Variants in KIRREL3 observed in about 807,000 individuals in gnomAD.
KIRREL3 encodes the protein kin of IRRE-like protein 3.
KIRREL3 carries 36 observed loss-of-function variants against 89.7 expected under a neutral mutation model. The ratio of observed to expected loss-of-function variants is 0.40; its 90% CI spans 0.31 to 0.53. The LOEUF (loss-of-function observed/expected upper bound fraction) is 0.53, where lower values mean the gene tolerates loss of function less well. KIRREL3 is among the 20% of genes least tolerant of loss of function. The pLI, the probability that KIRREL3 is intolerant of heterozygous loss-of-function variation, is 0.49. For synonymous variants in KIRREL3, 445 were observed against 441.4 expected (o/e 1.01, Z -0.10); for missense variants, 864 against 1,056.6 (o/e 0.82, Z 2.53).
intron 5 of KIRREL3, among the ~76,000 whole-genome samples, chr11:126,464,364 A>G (rs1159456864): frequency 1.5e-5 from 2 of 134,882 alleles, no homozygotes; most frequent in Non-Finnish European, 3.2e-5. Flanking sequence ...AAAAAAAAAG[A>G]AAAAAATTAA....
Position 126,780,542 on chromosome 11 carries a change from T to C in KIRREL3, c.56-217630A>G, listed in dbSNP as rs982395639. On this transcript the variant is annotated intron_variant, in intron 1 of 16. Coordinates refer to ENST00000525144, the MANE Select transcript of KIRREL3 (RefSeq NM_032531.4). The surrounding 1 kb of genome is among the most constrained non-coding windows in gnomAD (Gnocchi z 5.3). Reference sequence around the variant, plus strand: ...AAATGAATTTGGGGGCTGAGATTTCTCATCAGTATATATCTTCCCCGAGCA... The same window carrying C: ...AAATGAATTTGGGGGCTGAGATTTCCCATCAGTATATATCTTCCCCGAGCA... Among the ~76,000 whole-genome samples, 1 of 152,232 alleles carries C rather than the reference T, an allele frequency of 6.6e-6. No homozygotes were observed. Among genetic ancestry groups the C allele is most frequent in the African/African-American group, 2.4e-5 (1 of 41,454 alleles).
At position 126,948,227 on chromosome 11, in the gene KIRREL3, C is replaced by T. The variant is rs1591369366; in HGVS notation, c.55+52228G>A. ...CTTTCTCCTTTGATTTAATAAGAAACCAATTCTATATTATTGAAATTGTAC... is the reference window on the plus strand; with the variant it reads ...CTTTCTCCTTTGATTTAATAAGAAATCAATTCTATATTATTGAAATTGTAC... On this transcript the variant is annotated intron_variant, in intron 1 of 16. Coordinates refer to ENST00000525144, the MANE Select transcript of KIRREL3 (RefSeq NM_032531.4). This position sits in a 1 kb window ranked among gnomAD's most constrained non-coding sequence, Gnocchi z 4.5. Among the ~76,000 whole-genome samples the T allele has an allele frequency of 6.6e-6, 1 of 151,960 alleles. No homozygotes were observed. Among genetic ancestry groups the T allele is most frequent in the Non-Finnish European group, 1.5e-5 (1 of 68,008 alleles).
rs1174925271 is a variant in KIRREL3, at chr11:126,587,045, G to C, written c.56-24133C>G. ...CCAGAGAGAGTCCCTGCCTCAGGGA[G>C]CTGGGAGTCAGTGGGAGAGATGAAT... On this transcript the variant is annotated intron_variant, in intron 1 of 16. Coordinates refer to ENST00000525144, the MANE Select transcript of KIRREL3 (RefSeq NM_032531.4). The surrounding 1 kb of genome is among the most constrained non-coding windows in gnomAD (Gnocchi z 5.2). Among the ~76,000 whole-genome samples, 1 of 152,212 alleles carries C rather than the reference G, an allele frequency of 6.6e-6. No individual in the cohort carries two copies. Among genetic ancestry groups the C allele is most frequent in the Non-Finnish European group, 1.5e-5 (1 of 68,042 alleles).
rs1209204544 is a variant in KIRREL3 at position 126,652,326 on chromosome 11, T to G, written c.56-89414A>C. ...GTTGATGGATATAAACCATCTTCTT[T>G]ACTTAGGGCACAAAGAAGAACCAAG... On this transcript the variant is annotated intron_variant, in intron 1 of 16. Transcript: ENST00000525144. The surrounding 1 kb of genome is among the most constrained non-coding windows in gnomAD (Gnocchi z 4.9). Among the ~76,000 whole-genome samples the G allele has an allele frequency of 6.6e-6, 1 of 152,096 alleles. No individual in the cohort carries two copies. The highest frequency in any genetic ancestry group is 1.5e-5 in the Non-Finnish European group (1 of 68,028).
rs1340429377 is a variant in KIRREL3, at chr11:126,628,166, C to A, written c.56-65254G>T. ...GACTGGTCCCTCTGAACACACTTCG[C>A]CCACCCCTCCAAGGCTTCTGGCCTG... On this transcript the variant is annotated intron_variant, in intron 1 of 16. Coordinates refer to ENST00000525144, the MANE Select transcript of KIRREL3 (RefSeq NM_032531.4). This position sits in a 1 kb window ranked among gnomAD's most constrained non-coding sequence, Gnocchi z 5.2. Among the ~76,000 whole-genome samples, 1 of 152,190 alleles carries A rather than the reference C, an allele frequency of 6.6e-6. No homozygotes were observed. Among genetic ancestry groups the A allele is most frequent in the African/African-American group, 2.4e-5 (1 of 41,428 alleles).
rs1206561425 is a variant in KIRREL3, at chr11:126,709,818, G to C, written c.56-146906C>G. 3.9e-5 allele frequency among the ~76,000 whole-genome samples: 6 copies of C among 152,158 alleles called. No individual in the cohort carries two copies. Among genetic ancestry groups the C allele is most frequent in the African/African-American group, 1.4e-4 (6 of 41,426 alleles). On this transcript the variant is annotated intron_variant, in intron 1 of 16. Transcript: ENST00000525144. This position sits in a 1 kb window ranked among gnomAD's most constrained non-coding sequence, Gnocchi z 4.0. ...CGTGGTATTTTGTTACAGCAGCCCA[G>C]GGAAACTAATACAGGAGGCCGGGCA...
Position 126,555,609 on chromosome 11 carries a change from CA to C in KIRREL3, c.133+7225del, listed in dbSNP as rs1421899714. On this transcript the variant is annotated intron_variant, in intron 2 of 16. Coordinates refer to ENST00000525144, the MANE Select transcript of KIRREL3 (RefSeq NM_032531.4). The surrounding 1 kb of genome is among the most constrained non-coding windows in gnomAD (Gnocchi z 4.2). Reference sequence around the variant, plus strand: ...AGCAGGGTAGACACAGGCCCTATGACAGGGGCCCTGCTTGAGGAGCAGCAGG... The same window carrying C: ...AGCAGGGTAGACACAGGCCCTATGACGGGGCCCTGCTTGAGGAGCAGCAGG... 2.0e-5 allele frequency among the ~76,000 whole-genome samples: 3 copies of C among 152,132 alleles called. No individual in the cohort carries two copies. Among genetic ancestry groups the C allele is most frequent in the African/African-American group, 7.2e-5 (3 of 41,426 alleles).
At chr11:126,511,103 G>A (rs1463184542) in intron 4 of KIRREL3, among the ~76,000 whole-genome samples, 1 of 151,802 alleles carries the variant, frequency 6.6e-6, no homozygotes, top group Non-Finnish European at 1.5e-5. Context: ...GTTGTTGGTT[G>A]TGCCTCCATC....
At chr11:126,586,193 A>G (rs900176888) in intron 1 of KIRREL3, among the ~76,000 whole-genome samples, 4 of 152,238 alleles carry the variant, frequency 2.6e-5, no homozygotes, top group African/African-American at 9.6e-5. Flanking sequence ...CATTTGGCCC[A>G]GAAAAGGCAC....
rs1415100516 is a variant in KIRREL3, at chr11:126,802,543, T to C, written c.55+197912A>G. On this transcript the variant is annotated intron_variant, in intron 1 of 16. Transcript: ENST00000525144. This position sits in a 1 kb window ranked among gnomAD's most constrained non-coding sequence, Gnocchi z 5.2. ...CACATCCCAAAGCTGTCACATGAGG[T>C]GACCTGGCATGTCTACATGGCCTCA... Among the ~76,000 whole-genome samples the C allele has an allele frequency of 1.3e-5, 2 of 152,264 alleles. No individual in the cohort carries two copies. Among genetic ancestry groups the C allele is most frequent in the Middle Eastern group, 3.4e-3 (1 of 294 alleles).
At position 126,996,423 on chromosome 11, in the gene KIRREL3, G is replaced by A. The variant is rs1036031600; in HGVS notation, c.55+4032C>T. On this transcript the variant is annotated intron_variant, in intron 1 of 16. Coordinates refer to ENST00000525144, the MANE Select transcript of KIRREL3 (RefSeq NM_032531.4). The surrounding 1 kb of genome is among the most constrained non-coding windows in gnomAD (Gnocchi z 4.7). ...CCCCCTATGATCCCTCCATTCTTTA[G>A]GCCACCTCTGATGTGTTCAGGCTCT... Among the ~76,000 whole-genome samples the A allele has an allele frequency of 5.3e-5, 8 of 151,966 alleles. No homozygotes were observed. The highest frequency in any genetic ancestry group is 1.9e-4 in the African/African-American group (8 of 41,346).
intron 2 of KIRREL3, among the ~76,000 whole-genome samples, chr11:126,533,781 T>C (rs1350908309): frequency 1.3e-5 from 2 of 152,168 alleles, no homozygotes; most frequent in Non-Finnish European, 2.9e-5. Context: ...CATTTTCCTA[T>C]CTGTGAAATG....
rs1453901596 is a variant in KIRREL3, at chr11:126,890,738, G to T, written c.55+109717C>A. Among the ~76,000 whole-genome samples, 7 of 152,254 alleles carry T rather than the reference G, an allele frequency of 4.6e-5. No individual in the cohort carries two copies. On this transcript the variant is annotated intron_variant, in intron 1 of 16. Coordinates refer to ENST00000525144, the MANE Select transcript of KIRREL3 (RefSeq NM_032531.4). The surrounding 1 kb of genome is among the most constrained non-coding windows in gnomAD (Gnocchi z 5.1). ...ACTGAAGCCACTAGGGTGAGTGAGAGAGTAGACGACTGCAAACATGAGCGT... is the reference window on the plus strand; with the variant it reads ...ACTGAAGCCACTAGGGTGAGTGAGATAGTAGACGACTGCAAACATGAGCGT...
Position 126,522,975 on chromosome 11 carries a change from G to A in KIRREL3, c.284-1511C>T, listed in dbSNP as rs554179373. ...AAAGAGAAGATGAGGGCTTAAGCAA[G>A]TGAGAGAGACAGAACAAAGACAGGC... On this transcript the variant is annotated intron_variant, in intron 3 of 16. Transcript: ENST00000525144. The surrounding 1 kb of genome is among the most constrained non-coding windows in gnomAD (Gnocchi z 6.0). 6.6e-6 allele frequency among the ~76,000 whole-genome samples: 1 copy of A among 152,360 alleles called. No homozygotes were observed. The highest frequency in any genetic ancestry group is 1.5e-5 in the Non-Finnish European group (1 of 68,038).
chr11:126,923,279 CTCCTTCTCCTTCTCCTTCT>C (rs1400806281), intron 1 of KIRREL3, among the ~76,000 whole-genome samples: 4 of 122,984 alleles, frequency 3.3e-5, no homozygotes, highest in South Asian at 2.9e-4. Context: ...CCTTCTCCTT[CTCCTTCTCCTTCTCCTTCT>C]TCCTTCTCCT....
intron 1 of KIRREL3, among the ~76,000 whole-genome samples, chr11:126,732,353 C>G (rs7114947): frequency 0.18 from 27,076 of 152,092 alleles, 2,500 homozygotes; most frequent in Non-Finnish European, 0.19. Context: ...AGATTCTGTC[C>G]TTGAAATAGC....
rs532377634 is a variant in KIRREL3, at chr11:126,561,544, A to C, written c.133+1291T>G. On this transcript the variant is annotated intron_variant, in intron 2 of 16. Coordinates refer to ENST00000525144, the MANE Select transcript of KIRREL3 (RefSeq NM_032531.4). The surrounding 1 kb of genome is among the most constrained non-coding windows in gnomAD (Gnocchi z 4.5). ...AAGTTACTGCCTAGCAGTCTTGTCA[A>C]GGCAGTGGTGTTGGGGAGGGAAGGG... Among the ~76,000 whole-genome samples, 21 of 152,304 alleles carry C rather than the reference A, an allele frequency of 1.4e-4. No homozygotes were observed. Among genetic ancestry groups the C allele is most frequent in the Non-Finnish European group, 2.1e-4 (14 of 68,026 alleles).
At chr11:126,583,315 G>A (rs1025778338) in intron 1 of KIRREL3, among the ~76,000 whole-genome samples, 1 of 152,174 alleles carries the variant, frequency 6.6e-6, no homozygotes, top group African/African-American at 2.4e-5. Flanking sequence ...TCTAAAATGA[G>A]ATTTCCTATT....
chr11:126,711,420 G>C (rs1947750002), intron 1 of KIRREL3, among the ~76,000 whole-genome samples: 1 of 152,140 alleles, frequency 6.6e-6, no homozygotes, highest in East Asian at 1.9e-4. Context: ...AATTAGCTGG[G>C]GGGTGGTGGC....
Sources: gnomAD v4.1 joint callset for allele counts (sites outside exome capture counted in the v4.1 genomes callset) on GRCh38, gnomAD v4.1.1 for gene constraint, Gnocchi (gnomAD v3.1) non-coding constraint, MANE v1.5 for transcripts, NCBI Gene and HGNC (gene_info 2026-07-23, HGNC 2026-07-21) for gene names.